The following RALYL variants were observed in gnomAD, a reference collection of about 807,000 sequenced individuals.
RALYL encodes the protein RALY RNA binding protein like, also known as RNA-binding Raly-like protein.
Under a neutral mutation model 35.1 loss-of-function variants are expected in RALYL, and 29 were observed. That is an observed-to-expected ratio of 0.83 (90% CI 0.61 to 1.13). The LOEUF (loss-of-function observed/expected upper bound fraction) is 1.13. RALYL is among the 50% of genes most tolerant of loss of function. The probability of loss-of-function intolerance (pLI) is 0.00; values close to 1 mark genes in which losing one functional copy is unlikely to be tolerated. For synonymous variants in RALYL, 120 were observed against 127.6 expected (o/e 0.94, Z 0.40); for missense variants, 359 against 360.4 (o/e 1.00, Z 0.03).
chr8:84,545,087 A>T (rs1208524220), intron 2 of RALYL, among the ~76,000 whole-genome samples: 1 of 152,076 alleles, frequency 6.6e-6, no homozygotes, highest in African/African-American at 2.4e-5. Flanking sequence ...TCTCTTATCC[A>T]TGTGGAATTT....
intron 4 of RALYL, among the ~76,000 whole-genome samples, chr8:84,820,029 T>G (rs1828180869): frequency 6.6e-6 from 1 of 152,112 alleles, no homozygotes. Context: ...TTATAGAATT[T>G]AAAAAATCAA....
intron 2 of RALYL, among the ~76,000 whole-genome samples, chr8:84,647,050 G>A (rs1827646991): frequency 6.6e-6 from 1 of 152,024 alleles, no homozygotes; most frequent in Admixed American, 6.6e-5. Flanking sequence ...CTGTGGTTTT[G>A]TTTGTTCCCC....
chr8:84,846,927 G>A (rs1463594841), intron 4 of RALYL, among the ~76,000 whole-genome samples: 1 of 152,040 alleles, frequency 6.6e-6, no homozygotes, highest in African/African-American at 2.4e-5. Context: ...CTTTTGTGTA[G>A]ATTTTCACAT....
chr8:84,852,788 G>T (rs1450817829), intron 5 of RALYL, among the ~76,000 whole-genome samples: 2 of 152,262 alleles, frequency 1.3e-5, no homozygotes, highest in East Asian at 3.9e-4. Flanking sequence ...TATTAAGAAA[G>T]AAAGGTGGTG....
At chr8:84,717,946 A>G (rs1250640595) in intron 2 of RALYL, among the ~76,000 whole-genome samples, 1 of 152,180 alleles carries the variant, frequency 6.6e-6, no homozygotes, top group African/African-American at 2.4e-5. Context: ...ATGTGGTAAT[A>G]AAACTAGTTT....
chr8:84,783,323 C>T (rs988405289), intron 3 of RALYL, among the ~76,000 whole-genome samples: 4 of 152,138 alleles, frequency 2.6e-5, no homozygotes, highest in Non-Finnish European at 4.4e-5. Flanking sequence ...CTTGTATTAT[C>T]GAATAAACAT....
intron 6 of RALYL, among the ~76,000 whole-genome samples, chr8:84,869,178 C>A (rs569889043): frequency 6.6e-6 from 1 of 152,020 alleles, no homozygotes; most frequent in South Asian, 2.1e-4. Context: ...CTGCATGGCA[C>A]AATAAAAAAT....
chr8:84,256,477 T>C (rs1831230931), intron 1 of RALYL, among the ~76,000 whole-genome samples: 1 of 152,112 alleles, frequency 6.6e-6, no homozygotes, highest in Non-Finnish European at 1.5e-5. Context: ...AAATCATTTC[T>C]GAAGGTTATA....
chr8:84,528,735 T>C (rs572546671), intron 1 of RALYL, among the ~76,000 whole-genome samples: 2 of 152,294 alleles, frequency 1.3e-5, no homozygotes, highest in East Asian at 3.9e-4. Flanking sequence ...TTTTCTTATG[T>C]TAAATTTTTG....
chr8:84,857,019 A>G (rs1837164746), intron 5 of RALYL, among the ~76,000 whole-genome samples: 1 of 129,096 alleles, frequency 7.7e-6, no homozygotes, highest in Non-Finnish European at 1.6e-5. Context: ...TGGGCGACAG[A>G]GCGAGACTCC....
chr8:84,296,144 G>A (rs894807089), intron 1 of RALYL, among the ~76,000 whole-genome samples: 8 of 152,092 alleles, frequency 5.3e-5, no homozygotes, highest in African/African-American at 1.7e-4. Context: ...CTATGTAGTA[G>A]AAGATTTTTT....
chr8:84,780,889 G>A (rs376978450), intron 3 of RALYL, among the ~76,000 whole-genome samples: 297 of 152,104 alleles, frequency 2.0e-3, no homozygotes, highest in Non-Finnish European at 3.3e-3. Flanking sequence ...ACAGGGTCTC[G>A]CTTCATCACC....
intron 1 of RALYL, among the ~76,000 whole-genome samples, chr8:84,408,965 C>A (rs2043834252): frequency 1.3e-5 from 2 of 151,944 alleles, no homozygotes; most frequent in Non-Finnish European, 2.9e-5. Flanking sequence ...TAGTATCACC[C>A]TTAAATGCTT....
Position 84,774,467 on chromosome 8 carries a change from G to A in RALYL, c.257-112G>A, listed in dbSNP as rs549567973. ...AACATATGTTGAATGAATCAATGGT[G>A]TACAATATTTGCATAAACAAATAGT... On this transcript the variant is annotated intron_variant, in intron 2 of 8. Coordinates refer to ENST00000521268, the MANE Select transcript of RALYL (RefSeq NM_173848.7). 2.3e-3 allele frequency: 1,649 copies of A among 703,126 alleles called. 26 individuals are homozygous for A. Among genetic ancestry groups the A allele is most frequent in the South Asian group, 0.022 (1,197 of 54,366 alleles). The allele number at this position is 703,126 out of a possible 1,614,324, so 43.6% of individuals were successfully genotyped here. A position where few individuals can be genotyped will look rare whatever the true frequency, so the allele number is the denominator to read the frequency against.
intron 2 of RALYL, among the ~76,000 whole-genome samples, chr8:84,613,462 AGACACT>A (rs1818760472): frequency 6.6e-6 from 1 of 151,518 alleles, no homozygotes; most frequent in East Asian, 1.9e-4. Context: ...AAAATGTGCA[AGACACT>A]GACACAGGTA....
intron 1 of RALYL, among the ~76,000 whole-genome samples, chr8:84,428,104 T>A (rs3958098): frequency 0.022 from 2,830 of 131,548 alleles, 86 homozygotes; most frequent in African/African-American, 0.066. Context: ...TCTCTCTCTC[T>A]CTCACACACA....
rs1554614840 is a variant in RALYL, at chr8:84,311,090, A to AAAAAAAAAAAATAT, written c.-24+126667_-24+126668insAAAAAAAAAATATA. Among the ~76,000 whole-genome samples the AAAAAAAAAAAATAT allele has an allele frequency of 2.6e-4, 26 of 99,770 alleles. 1 individual carries two copies. Among genetic ancestry groups the AAAAAAAAAAAATAT allele is most frequent in the Admixed American group, 3.7e-4 (3 of 8,218 alleles). The allele number at this position is 99,770 out of a possible 152,430, so 65.5% of individuals were successfully genotyped here. A position where few individuals can be genotyped will look rare whatever the true frequency, so the allele number is the denominator to read the frequency against. ...AAAAAAAAAAAAAAAAAAAAAAAAAAATGTATATTAATGTATAGTATAAAT... is the reference window on the plus strand; with the variant it reads ...AAAAAAAAAAAAAAAAAAAAAAAAAAAAAAAAAAAAATATATGTATATTAATGTATAGTATAAAT... On this transcript the variant is annotated intron_variant, in intron 1 of 8. Coordinates refer to ENST00000521268, the MANE Select transcript of RALYL (RefSeq NM_173848.7).
At chr8:84,388,870 G>T (rs1043171087) in intron 1 of RALYL, among the ~76,000 whole-genome samples, 58 of 152,092 alleles carry the variant, frequency 3.8e-4, no homozygotes, top group Non-Finnish European at 5.3e-4. Context: ...GTCAATTTTG[G>T]CTTTTGTTGC....
intron 2 of RALYL, among the ~76,000 whole-genome samples, chr8:84,748,890 TTTTG>T (rs1293601090): frequency 1.3e-5 from 2 of 152,122 alleles, no homozygotes; most frequent in African/African-American, 2.4e-5. Context: ...TCTTCTCTTG[TTTTG>T]TTTATGTCCT....
Sources: gnomAD v4.1 joint callset for allele counts (sites outside exome capture counted in the v4.1 genomes callset) on GRCh38, gnomAD v4.1.1 for gene constraint, MANE v1.5 for transcripts, NCBI Gene and HGNC (gene_info 2026-07-23, HGNC 2026-07-21) for gene names.